PRKCB: variants seen among roughly 807,000 people sequenced by gnomAD.
The protein encoded by PRKCB is protein kinase C beta.
Under a neutral mutation model 81.5 loss-of-function variants are expected in PRKCB, and 13 were observed. The ratio of observed to expected loss-of-function variants is 0.16; its 90% CI spans 0.10 to 0.25. The LOEUF (loss-of-function observed/expected upper bound fraction) is 0.25. PRKCB is among the 10% of genes least tolerant of loss of function. PRKCB has a pLI of 1.00. For synonymous variants in PRKCB, 335 were observed against 321.4 expected (o/e 1.04, Z -0.45); for missense variants, 509 against 875.7 (o/e 0.58, Z 5.29).
At chr16:24,049,107 C>T (rs971339233) in intron 5 of PRKCB, among the ~76,000 whole-genome samples, 10 of 112,998 alleles carry the variant, frequency 8.8e-5, no homozygotes, top group Non-Finnish European at 1.5e-4. Flanking sequence ...TGGCCAAGAT[C>T]TGCCCAAGAG....
chr16:24,021,998 T>A (rs112703055), intron 3 of PRKCB, among the ~76,000 whole-genome samples: 142 of 152,278 alleles, frequency 9.3e-4, no homozygotes, highest in African/African-American at 3.3e-3. Flanking sequence ...GCTTGCCTAA[T>A]ACCAGGCATG....
chr16:24,022,414 C>T (rs1965416338), intron 3 of PRKCB, among the ~76,000 whole-genome samples: 1 of 152,190 alleles, frequency 6.6e-6, no homozygotes, highest in Admixed American at 6.5e-5. Flanking sequence ...GCTCAGCCCA[C>T]AGAAATGAGT....
chr16:24,033,803 A>G (rs1965579617), intron 4 of PRKCB, among the ~76,000 whole-genome samples: 1 of 152,164 alleles, frequency 6.6e-6, no homozygotes, highest in African/African-American at 2.4e-5. Flanking sequence ...ATGGACACAG[A>G]GAGAGACGCC....
At chr16:24,144,147 GAGAA>G (rs1421446965) in intron 9 of PRKCB, among the ~76,000 whole-genome samples, 3 of 151,542 alleles carry the variant, frequency 2.0e-5, no homozygotes, top group African/African-American at 2.4e-5. Context: ...AAGAGAGAGA[GAGAA>G]AGAGAGAGAC....
chr16:23,843,398 A>G (rs1322188747), intron 2 of PRKCB, among the ~76,000 whole-genome samples: 1 of 152,166 alleles, frequency 6.6e-6, no homozygotes, highest in Non-Finnish European at 1.5e-5. Flanking sequence ...TGTGAATAAA[A>G]GGCAGAGGCT....
chr16:24,035,167 A>G (rs35399638), intron 4 of PRKCB, among the ~76,000 whole-genome samples: 2 of 152,108 alleles, frequency 1.3e-5, no homozygotes, highest in Non-Finnish European at 2.9e-5. Flanking sequence ...TGCTTGCTTC[A>G]GACTGCACCC....
rs944798660 is a variant in PRKCB at position 24,215,539 on chromosome 16, C to T, written c.*723C>T. 1 of 985,590 alleles carries T rather than the reference C, an allele frequency of 1.0e-6. No individual in the cohort carries two copies. Among genetic ancestry groups the T allele is most frequent in the Non-Finnish European group, 1.2e-6 (1 of 829,890 alleles). The allele number at this position is 985,590 out of a possible 1,614,324, so 61.1% of individuals were successfully genotyped here. On this transcript the variant is annotated 3_prime_UTR_variant, in exon 17 of 17. Transcript: ENST00000643927. ...GGGCATTTGGCACCACTCTCTGAAA[C>T]AACACAGTCACTCTAGCAAGGCCCC...
chr16:23,948,529 A>G (rs959199674), intron 2 of PRKCB, among the ~76,000 whole-genome samples: 5 of 152,074 alleles, frequency 3.3e-5, no homozygotes, highest in Non-Finnish European at 7.4e-5. Context: ...GCAGCCTCCC[A>G]GGTAGCTGGG....
intron 7 of PRKCB, among the ~76,000 whole-genome samples, chr16:24,106,171 A>G (rs993889659): frequency 6.6e-6 from 1 of 152,010 alleles, no homozygotes; most frequent in Non-Finnish European, 1.5e-5. Flanking sequence ...TAGAATTTCT[A>G]CTGTACCACT....
intron 2 of PRKCB, among the ~76,000 whole-genome samples, chr16:23,980,820 A>G (rs1177297310): frequency 6.7e-6 from 1 of 149,414 alleles, no homozygotes. Flanking sequence ...TATATGATTT[A>G]ATTTAGTCCT....
intron 2 of PRKCB, among the ~76,000 whole-genome samples, chr16:23,910,030 C>T (rs1963626270): frequency 6.6e-6 from 1 of 152,188 alleles, no homozygotes; most frequent in South Asian, 2.1e-4. Flanking sequence ...AGCAGTGCCG[C>T]CATGGGGAAG....
chr16:24,209,336 C>T (rs909306004), intron 16 of PRKCB, among the ~76,000 whole-genome samples: 13 of 152,206 alleles, frequency 8.5e-5, no homozygotes, highest in Admixed American at 5.2e-4. Context: ...AGCCACCATT[C>T]CTCTCCTGTG....
At chr16:23,839,535 A>G (rs973172574) in intron 2 of PRKCB, among the ~76,000 whole-genome samples, 2 of 152,124 alleles carry the variant, frequency 1.3e-5, no homozygotes, top group African/African-American at 4.8e-5. Context: ...TCAGCCCCCA[A>G]GTGTTGGGAT....
chr16:23,933,789 TC>T (rs1964014670), intron 2 of PRKCB, among the ~76,000 whole-genome samples: 1 of 147,952 alleles, frequency 6.8e-6, no homozygotes, highest in Non-Finnish European at 1.5e-5. Flanking sequence ...CATCCATCCA[TC>T]CATCCATCCA....
chr16:23,947,595 C>G lies in PRKCB; in HGVS notation c.206-40913C>G, dbSNP rs140956806. Among the ~76,000 whole-genome samples the G allele has an allele frequency of 1.1e-3, 161 of 152,298 alleles. 2 individuals are homozygous for G. In the South Asian group the frequency reaches 0.013, roughly 13 times the overall value. ...TTTTCCTGCCAGGCCATAAGCAGTA[C>G]TTGCCTTTATTTCTGGGCTCCAGTG... is the stretch of plus-strand genomic sequence containing the variant. On this transcript the variant is annotated intron_variant, in intron 2 of 16. Transcript: ENST00000643927.
rs369926841 is a variant in PRKCB at position 24,217,406 on chromosome 16, A to G, written c.*2590A>G. 5.1e-6 allele frequency: 5 copies of G among 985,348 alleles called. No homozygotes were observed. The highest frequency in any genetic ancestry group is 1.1e-4 in the East Asian group (1 of 8,830). 61.0% of individuals were successfully genotyped at this position (985,348 alleles called of 1,614,324 possible). A position where few individuals can be genotyped will look rare whatever the true frequency, so the allele number is the denominator to read the frequency against. ...AAGAGAGGACAGGGCCATAGCAACAAGGACCTTCTTGGGGGATTAATGGGA... is the reference window on the plus strand; with the variant it reads ...AAGAGAGGACAGGGCCATAGCAACAGGGACCTTCTTGGGGGATTAATGGGA... On this transcript the variant is annotated 3_prime_UTR_variant, in exon 17 of 17. Transcript: ENST00000643927.
chr16:23,926,978 C>T (rs555752633), intron 2 of PRKCB, among the ~76,000 whole-genome samples: 13 of 152,196 alleles, frequency 8.5e-5, no homozygotes, highest in African/African-American at 3.1e-4. Flanking sequence ...CTTCTTACTG[C>T]GTATGGTGGT....
At chr16:24,154,977 A>G (rs1415150420) in intron 10 of PRKCB, 120 bp downstream of exon 10, 2 of 1,222,592 alleles carry the variant, frequency 1.6e-6, no homozygotes, top group East Asian at 5.1e-5. Flanking sequence ...AGACACAGAA[A>G]GATGTAAGGC....
chr16:24,106,434 A>G (rs1277754684), intron 7 of PRKCB, among the ~76,000 whole-genome samples: 1 of 152,172 alleles, frequency 6.6e-6, no homozygotes, highest in Non-Finnish European at 1.5e-5. Context: ...ACCACTATTG[A>G]CCCTATAGAG....
Sources: gnomAD v4.1 joint callset for allele counts (sites outside exome capture counted in the v4.1 genomes callset) on GRCh38, gnomAD v4.1.1 for gene constraint, MANE v1.5 for transcripts, NCBI Gene and HGNC (gene_info 2026-07-23, HGNC 2026-07-21) for gene names.